The following PSMB4 variants were observed in gnomAD, a reference collection of about 807,000 sequenced individuals.
The protein encoded by PSMB4 is proteasome subunit beta type-4.
A neutral mutation model predicts 35.2 loss-of-function variants in PSMB4; 16 were observed. The ratio of observed to expected loss-of-function variants is 0.45; its 90% CI spans 0.31 to 0.69. The LOEUF (loss-of-function observed/expected upper bound fraction) is 0.69, where lower values mean the gene tolerates loss of function less well. Among genes scored for constraint, PSMB4 ranks in the 30% least tolerant of loss-of-function variants. The pLI is 0.06. For missense variants in PSMB4, 333 were observed against 351.8 expected, an observed-to-expected ratio of 0.95 and a Z score of 0.43; for synonymous variants, 144 against 134.1, an observed-to-expected ratio of 1.07 and a Z score of -0.51.
At chr1:151,400,212 G>A in intron 2 of PSMB4, 25 bp downstream of exon 2, 2 of 1,609,386 alleles carry the variant, frequency 1.2e-6, no homozygotes, top group Non-Finnish European at 1.7e-6. Flanking sequence ...GAACAGGAGA[G>A]TGGTTCCCAA....
At chr1:151,401,205 A>T in intron 4 of PSMB4, 34 bp from the exon 5 acceptor site, 1 of 1,541,294 alleles carries the variant, frequency 6.5e-7, no homozygotes, top group Non-Finnish European at 9.0e-7. Flanking sequence ...ATTCAGCCCA[A>T]TATCCCCCCA....
intron 3 of PSMB4, 24 bp downstream of exon 3, chr1:151,400,612 A>G (rs1180478184): frequency 1.9e-6 from 3 of 1,613,928 alleles, no homozygotes; most frequent in Non-Finnish European, 2.5e-6. Context: ...CAAATAACTT[A>G]TTTCCTTTAC....
At position 151,400,880 on chromosome 1, in the gene PSMB4, G is replaced by A. The variant is rs369737270; in HGVS notation, c.576+35G>A. The A allele has an allele frequency of 3.5e-5, 55 of 1,573,290 alleles. 1 individual carries two copies. The highest frequency in any genetic ancestry group is 6.7e-5 in the Admixed American group (4 of 59,944). The stretch of plus-strand genomic sequence containing the variant: ...AAGTCTAGAGGTGGGGGAAAGGGAA[G>A]ACAAAAGGAAATGGATTAGTGGTTG... On this transcript the variant is annotated intron_variant, in intron 4 of 6. Transcript: ENST00000290541.
intron 4 of PSMB4, 166 bp downstream of exon 4, chr1:151,401,011 C>A: frequency 1.3e-6 from 1 of 796,704 alleles, no homozygotes; most frequent in Non-Finnish European, 2.1e-6. Context: ...GACACTGATT[C>A]CAGTGACAAG....
intron 6 of PSMB4, 34 bp downstream of exon 6, chr1:151,401,664 G>C: frequency 1.3e-6 from 2 of 1,565,870 alleles, no homozygotes; most frequent in South Asian, 1.1e-5. Context: ...TGACAGACTT[G>C]GGAGGTCTTT....
At chr1:151,400,609 C>G in intron 3 of PSMB4, 21 bp downstream of exon 3, 1 of 1,614,110 alleles carries the variant, frequency 6.2e-7, no homozygotes, top group Non-Finnish European at 8.5e-7. Context: ...ATACAAATAA[C>G]TTATTTCCTT....
Position 151,401,885 on chromosome 1 carries a change from C to G in PSMB4, c.*56C>G, listed in dbSNP as rs550571139. The stretch of plus-strand genomic sequence containing the variant: ...GCCCTACTTTTAACTTTGAACTTGG[C>G]TAGTTCAAAGATAGACTCTTCTTTT... On this transcript the variant is annotated 3_prime_UTR_variant, in exon 7 of 7. Coordinates refer to ENST00000290541, the MANE Select transcript of PSMB4 (RefSeq NM_002796.3). 1.1e-5 allele frequency: 17 copies of G among 1,517,986 alleles called. No homozygotes were observed. In the East Asian group the frequency reaches 3.6e-4, roughly 32 times the overall value. 94.0% of individuals were successfully genotyped at this position (1,517,986 alleles called of 1,614,324 possible).
At position 151,400,088 on chromosome 1, in the gene PSMB4, A is replaced by T; in HGVS notation, c.248A>T (p.Asn83Ile). ...TACGGCTCCTTGGCTCGTTTCCGCA[A>T]CATCTCTCGCATTATGCGAGTCAAC... ...GSYGSLARFR[N>I]ISRIMRVNNS... is the part of the protein sequence containing the mutation. Residue 83 changes from asparagine (N) to isoleucine (I), a missense_variant, in exon 2 of 7, where the codon AAC becomes ATC. Asn to Ile is a moderately radical substitution (Grantham distance 149). Coordinates refer to ENST00000290541, the MANE Select transcript of PSMB4 (RefSeq NM_002796.3). The T allele has an allele frequency of 6.2e-7, 1 of 1,614,156 alleles. No individual in the cohort carries two copies. The highest frequency in any genetic ancestry group is 8.5e-7 in the Non-Finnish European group (1 of 1,180,026).
Position 151,399,576 on chromosome 1 carries a change from A to G in PSMB4, c.-12A>G. ...CGCAAGCGCTTTCATTTTTTCTGCT[A>G]CCGTGACTAAGATGGAAGCGTTTTT... On this transcript the variant is annotated 5_prime_UTR_variant, in exon 1 of 7. Coordinates refer to ENST00000290541, the MANE Select transcript of PSMB4 (RefSeq NM_002796.3). The G allele has an allele frequency of 6.3e-7, 1 of 1,599,292 alleles. No individual in the cohort carries two copies. Among genetic ancestry groups the G allele is most frequent in the Middle Eastern group, 1.7e-4 (1 of 5,988 alleles).
chr1:151,400,360 G>A, intron 2 of PSMB4, 82 bp from the exon 3 acceptor site: 3 of 1,537,118 alleles, frequency 2.0e-6, no homozygotes, highest in Non-Finnish European at 2.7e-6. Context: ...TAAAATGGGG[G>A]AAGGTGTGGT....
intron 4 of PSMB4, 159 bp from the exon 5 acceptor site, chr1:151,401,078 CTG>C: frequency 1.3e-6 from 1 of 780,986 alleles, no homozygotes; most frequent in Non-Finnish European, 2.2e-6. Context: ...GAACTTCTTC[CTG>C]AAGTGGCTCT....
In PSMB4 at chr1:151,399,578, C is replaced by G; in HGVS notation, c.-10C>G. ...CAAGCGCTTTCATTTTTTCTGCTAC[C>G]GTGACTAAGATGGAAGCGTTTTTGG... On this transcript the variant is annotated 5_prime_UTR_variant, in exon 1 of 7. Coordinates refer to ENST00000290541, the MANE Select transcript of PSMB4 (RefSeq NM_002796.3). 1 of 1,599,546 alleles carries G rather than the reference C, an allele frequency of 6.3e-7. No individual in the cohort carries two copies. Among genetic ancestry groups the G allele is most frequent in the Non-Finnish European group, 8.5e-7 (1 of 1,175,012 alleles).
chr1:151,401,214 C>T (rs752362771), intron 4 of PSMB4, 25 bp from the exon 5 acceptor site: 1 of 1,582,890 alleles, frequency 6.3e-7, no homozygotes, highest in South Asian at 1.1e-5. Context: ...AATATCCCCC[C>T]ATGGTTTTCC....
At chr1:151,400,372 ACTT>A in intron 2 of PSMB4, 67 bp from the exon 3 acceptor site, 1 of 1,565,992 alleles carries the variant, frequency 6.4e-7, no homozygotes, top group Non-Finnish European at 8.7e-7. Flanking sequence ...AGGTGTGGTA[ACTT>A]CTTTTGGGGA....
intron 1 of PSMB4, 29 bp from the exon 2 acceptor site, chr1:151,399,951 CT>C: frequency 1.2e-6 from 2 of 1,604,482 alleles, no homozygotes; most frequent in Non-Finnish European, 1.7e-6. Flanking sequence ...TCCATCCCCC[CT>C]CTCAGCTCCC....
intron 1 of PSMB4, 42 bp from the exon 2 acceptor site, chr1:151,399,939 A>C: frequency 6.3e-7 from 1 of 1,583,996 alleles, no homozygotes; most frequent in South Asian, 1.1e-5. Flanking sequence ...AAGAGGGCGC[A>C]GTCCATCCCC....
chr1:151,400,958 C>T, intron 4 of PSMB4, 113 bp downstream of exon 4: 5 of 1,118,606 alleles, frequency 4.5e-6, no homozygotes, highest in Non-Finnish European at 6.8e-6. Context: ...ATCGCTATTA[C>T]TGGGCAGATG....
chr1:151,401,602 AC>A lies in PSMB4; in HGVS notation c.756del (p.Asn253ThrfsTer7). 1 of 1,611,704 alleles carries A rather than the reference AC, an allele frequency of 6.2e-7. No homozygotes were observed. Among genetic ancestry groups the A allele is most frequent in the Non-Finnish European group, 8.5e-7 (1 of 1,177,794 alleles). On this transcript the variant is annotated frameshift_variant, in exon 6 of 7. Coordinates refer to ENST00000290541, the MANE Select transcript of PSMB4 (RefSeq NM_002796.3). LOFTEE classifies it high-confidence loss of function. ...AATAGAGGGACCATTGTCTACAGAG[AC>A]CAACTGGGATATTGCCCACATGATC... is the stretch of plus-strand genomic sequence containing the variant. ...VEIEGPLSTETNWDIAHMISG... is the reference protein window; with the variant it reads ...VEIEGPLSTEXNWDIAHMISG...
chr1:151,400,654 C>T, intron 3 of PSMB4, 66 bp downstream of exon 3: 1 of 1,611,876 alleles, frequency 6.2e-7, no homozygotes, highest in South Asian at 1.1e-5. Context: ...AGTATCTCTT[C>T]TGTCTCTTCT....
Sources: gnomAD v4.1 joint callset for allele counts on GRCh38, gnomAD v4.1.1 for gene constraint, MANE v1.5 for transcripts, NCBI Gene and HGNC (gene_info 2026-07-23, HGNC 2026-07-21) for gene names.